The following GRID2 variants were observed in gnomAD, a reference collection of about 807,000 sequenced individuals.
GRID2 encodes the protein glutamate receptor ionotropic, delta-2.
In GRID2, 33 loss-of-function variants were observed where a neutral mutation model predicts 114.8. That is an observed-to-expected ratio of 0.29 (90% CI 0.22 to 0.38). The LOEUF (loss-of-function observed/expected upper bound fraction) is 0.38. Ranked by LOEUF, GRID2 falls within the 10% of genes least tolerant of loss-of-function variation. The probability of loss-of-function intolerance (pLI) is 1.00; values close to 1 mark genes in which losing one functional copy is unlikely to be tolerated. For missense variants in GRID2, 1,184 were observed against 1,257.7 expected, an observed-to-expected ratio of 0.94 and a Z score of 0.89; for synonymous variants, 505 against 449.9, an observed-to-expected ratio of 1.12 and a Z score of -1.55.
At chr4:92,770,770 A>G (rs1456948337) in intron 2 of GRID2, among the ~76,000 whole-genome samples, 1 of 151,922 alleles carries the variant, frequency 6.6e-6, no homozygotes. Flanking sequence ...TAATTCAATC[A>G]CCTCCAACCG....
intron 1 of GRID2, among the ~76,000 whole-genome samples, chr4:93,786,720 G>GCAA (rs1285491267): frequency 1.3e-5 from 2 of 152,196 alleles, no homozygotes; most frequent in Non-Finnish European, 2.9e-5. Context: ...GCTATCTAGA[G>GCAA]CAACATGGCA....
intron 1 of GRID2, among the ~76,000 whole-genome samples, chr4:92,524,407 C>CTTTTTTTTTTTTT (rs869060153): frequency 2.2e-4 from 23 of 106,550 alleles, no homozygotes; most frequent in African/African-American, 3.6e-4. Flanking sequence ...ATTTCCTTGT[C>CTTTTTTTTTTTTT]TTTTTTTTTT....
chr4:93,404,906 T>C (rs1298820444), intron 9 of GRID2, among the ~76,000 whole-genome samples: 2 of 152,118 alleles, frequency 1.3e-5, no homozygotes, highest in Non-Finnish European at 2.9e-5. Context: ...GTATATGAAA[T>C]TGAAATACAG....
intron 2 of GRID2, among the ~76,000 whole-genome samples, chr4:92,953,905 A>G (rs1385354725): frequency 1.3e-5 from 2 of 152,172 alleles, no homozygotes; most frequent in Non-Finnish European, 1.5e-5. Context: ...TAGTTTCCAC[A>G]TCTCAAATAT....
intron 13 of GRID2, among the ~76,000 whole-genome samples, chr4:93,540,575 G>T (rs1200699468): frequency 6.6e-6 from 1 of 152,136 alleles, no homozygotes; most frequent in African/African-American, 2.4e-5. Flanking sequence ...TGGCAAAATA[G>T]GGTTACAAAT....
chr4:93,024,614 A>G (rs995035166), intron 2 of GRID2, among the ~76,000 whole-genome samples: 13 of 151,818 alleles, frequency 8.6e-5, no homozygotes, highest in African/African-American at 2.9e-4. Context: ...TTTAAAGGTT[A>G]CATTAGTTCT....
At chr4:93,778,831 C>T (rs377419548), downstream of GRID2, among the ~76,000 whole-genome samples, 220 of 152,172 alleles carry the variant, frequency 1.4e-3, no homozygotes, top group Middle Eastern at 3.4e-3. Context: ...GTATGTGATA[C>T]AAAACTCTAT....
chr4:92,369,947 T>C (rs1214963534), intron 1 of GRID2, among the ~76,000 whole-genome samples: 1 of 152,166 alleles, frequency 6.6e-6, no homozygotes, highest in African/African-American at 2.4e-5. Flanking sequence ...ACTGGGGCTT[T>C]AAAAATAAAT....
chr4:92,615,987 T>C (rs1016616978), intron 2 of GRID2, among the ~76,000 whole-genome samples: 11 of 151,678 alleles, frequency 7.3e-5, no homozygotes, highest in Admixed American at 6.6e-4. Flanking sequence ...TTGTGATTTA[T>C]GCATTTCTTT....
intron 1 of GRID2, among the ~76,000 whole-genome samples, chr4:92,434,429 A>C (rs914346392): frequency 6.6e-6 from 1 of 152,208 alleles, no homozygotes; most frequent in Admixed American, 6.5e-5. Flanking sequence ...CTAACAATGC[A>C]TTCGGAATTC....
intron 14 of GRID2, among the ~76,000 whole-genome samples, chr4:93,651,769 G>C (rs1054860443): frequency 3.3e-5 from 5 of 152,270 alleles, no homozygotes; most frequent in Admixed American, 2.6e-4. Flanking sequence ...CAAACTAGCA[G>C]TGTTTCATCC....
intron 4 of GRID2, among the ~76,000 whole-genome samples, chr4:93,124,396 G>A (rs976340065): frequency 6.6e-6 from 1 of 152,154 alleles, no homozygotes; most frequent in African/African-American, 2.4e-5. Context: ...AAATAAATTA[G>A]CAATTTATAT....
At chr4:92,798,295 A>G (rs749800243) in intron 2 of GRID2, among the ~76,000 whole-genome samples, 26 of 152,124 alleles carry the variant, frequency 1.7e-4, no homozygotes, top group Non-Finnish European at 2.8e-4. Context: ...CAACAATTGT[A>G]CCTGATGAGC....
At position 93,554,447 on chromosome 4, in the gene GRID2, A is replaced by C. The variant is rs554149653; in HGVS notation, c.2193+39036A>C. ...TGCACATAAATTTTTTTATTTTTTT[A>C]AATTTTTGGTTACAGATATATAATA... On this transcript the variant is annotated intron_variant, in intron 13 of 15. Transcript: ENST00000282020. Among the ~76,000 whole-genome samples, 6 of 151,952 alleles carry C rather than the reference A, an allele frequency of 3.9e-5. No homozygotes were observed. In the South Asian group the frequency reaches 1.0e-3, roughly 26 times the overall value.
At chr4:93,623,638 T>C (rs1742419997) in intron 13 of GRID2, among the ~76,000 whole-genome samples, 1 of 152,240 alleles carries the variant, frequency 6.6e-6, no homozygotes, top group Non-Finnish European at 1.5e-5. Flanking sequence ...ATATACACTA[T>C]GGAATACTAT....
intron 2 of GRID2, among the ~76,000 whole-genome samples, chr4:92,853,878 T>G (rs1012192696): frequency 6.6e-6 from 1 of 151,780 alleles, no homozygotes; most frequent in African/African-American, 2.4e-5. Context: ...GTTGAAAAAC[T>G]ACACATCGGG....
intron 2 of GRID2, among the ~76,000 whole-genome samples, chr4:92,990,704 C>G (rs79520440): frequency 0.023 from 3,464 of 151,446 alleles, 74 homozygotes; most frequent in East Asian, 0.052. Flanking sequence ...TTTGAAATGA[C>G]TGAAGAAAAA....
intron 2 of GRID2, among the ~76,000 whole-genome samples, chr4:93,017,257 G>T (rs576988753): frequency 1.3e-5 from 2 of 152,144 alleles, no homozygotes; most frequent in African/African-American, 4.8e-5. Context: ...ATGTATGTAG[G>T]TTAAATAATT....
chr4:92,521,829 T>C (rs1440618525), intron 1 of GRID2, among the ~76,000 whole-genome samples: 4 of 151,914 alleles, frequency 2.6e-5, no homozygotes, highest in Non-Finnish European at 5.9e-5. Context: ...AAGATAAGAA[T>C]TGAGAGAGCA....
Sources: allele counts gnomAD v4.1 joint callset (sites outside exome capture counted in the v4.1 genomes callset), GRCh38; gene constraint gnomAD v4.1.1; transcripts MANE v1.5; gene names NCBI Gene and HGNC (gene_info 2026-07-23, HGNC 2026-07-21).